KCTD1: variants seen among roughly 807,000 people sequenced by gnomAD.
KCTD1 encodes potassium channel tetramerization domain containing 1.
A neutral mutation model predicts 66.0 loss-of-function variants in KCTD1; 24 were observed. That is an observed-to-expected ratio of 0.36 (90% CI 0.26 to 0.51). The LOEUF (loss-of-function observed/expected upper bound fraction) is 0.51, where lower values mean the gene tolerates loss of function less well. KCTD1 is among the 20% of genes least tolerant of loss of function. The pLI is 0.95. For missense variants in KCTD1, 943 were observed against 1,205.2 expected (o/e 0.78, Z 3.22); for synonymous variants, 511 against 517.2 (o/e 0.99, Z 0.16).
chr18:26,496,957 T>C (rs1269250978), intron 2 of KCTD1, among the ~76,000 whole-genome samples: 1 of 152,174 alleles, frequency 6.6e-6, no homozygotes, highest in African/African-American at 2.4e-5. Flanking sequence ...TTTGGAAAAC[T>C]GCAGAGGTTC....
At chr18:26,601,561 G>A (rs913285134) in intron 1 of KCTD1, among the ~76,000 whole-genome samples, 2 of 152,124 alleles carry the variant, frequency 1.3e-5, no homozygotes, top group Non-Finnish European at 1.5e-5. Flanking sequence ...AAACACAGCC[G>A]TGATTTTGAT....
At chr18:26,574,297 G>A (rs963753523) in intron 1 of KCTD1, among the ~76,000 whole-genome samples, 2 of 152,220 alleles carry the variant, frequency 1.3e-5, no homozygotes, top group Non-Finnish European at 2.9e-5. Context: ...ATGAGCTGAT[G>A]TCAGATATTT....
chr18:26,498,752 C>T, intron 2 of KCTD1, among the ~76,000 whole-genome samples: 1 of 152,028 alleles, frequency 6.6e-6, no homozygotes, highest in East Asian at 1.9e-4. Context: ...GAATTTGATG[C>T]ATGTTTCAGG....
intron 3 of KCTD1, among the ~76,000 whole-genome samples, chr18:26,460,281 C>T (rs1047544971): frequency 2.6e-5 from 4 of 152,182 alleles, no homozygotes; most frequent in African/African-American, 7.2e-5. Flanking sequence ...AGACTTGTTT[C>T]TTTTAGTAGA....
chr18:26,542,344 T>C (rs1985011281), intron 1 of KCTD1, among the ~76,000 whole-genome samples: 1 of 152,200 alleles, frequency 6.6e-6, no homozygotes, highest in Non-Finnish European at 1.5e-5. Context: ...GCAACTTGAC[T>C]ATTGGTACAA....
At chr18:26,535,268 CTCTTTT>C (rs1984644778) in intron 1 of KCTD1, among the ~76,000 whole-genome samples, 1 of 152,070 alleles carries the variant, frequency 6.6e-6, no homozygotes, top group African/African-American at 2.4e-5. Context: ...CATTCCTTTT[CTCTTTT>C]AATTAAGTGC....
chr18:26,652,247 G>C (rs1430153072), intron 1 of KCTD1, among the ~76,000 whole-genome samples: 1 of 152,042 alleles, frequency 6.6e-6, no homozygotes, highest in Admixed American at 6.5e-5. Flanking sequence ...AGATGACATC[G>C]TTCCCATTTT....
In KCTD1 at chr18:26,501,058, G is replaced by A; in HGVS notation, c.1988+14C>T. 2 of 1,610,010 alleles carry A rather than the reference G, an allele frequency of 1.2e-6. No homozygotes were observed. The highest frequency in any genetic ancestry group is 1.7e-6 in the Non-Finnish European group (2 of 1,177,104). On this transcript the variant is annotated intron_variant, in intron 2 of 4. Coordinates refer to ENST00000580059, the MANE Select transcript of KCTD1 (RefSeq NM_001142730.3). ...ATGCACGTCGGAGTCTGATTTTTCA[G>A]TTTTTCAGATTACCTGGATTCAGGG...
At chr18:26,656,019 G>C (rs1406330138) in intron 1 of KCTD1, among the ~76,000 whole-genome samples, 1 of 151,950 alleles carries the variant, frequency 6.6e-6, no homozygotes, top group Non-Finnish European at 1.5e-5. Context: ...ATTCAATAAA[G>C]AAGGGTGGCG....
At chr18:26,619,279 G>A (rs1264365529) in intron 1 of KCTD1, among the ~76,000 whole-genome samples, 1 of 152,100 alleles carries the variant, frequency 6.6e-6, no homozygotes, top group Non-Finnish European at 1.5e-5. Context: ...TGATCTCAAA[G>A]TATTGCTTAT....
chr18:26,605,591 A>C (rs994299697), intron 1 of KCTD1, among the ~76,000 whole-genome samples: 1 of 152,090 alleles, frequency 6.6e-6, no homozygotes, highest in Non-Finnish European at 1.5e-5. Context: ...AGTTTCATTC[A>C]TGACCTGGCC....
At chr18:26,596,716 T>C (rs916816739) in intron 1 of KCTD1, among the ~76,000 whole-genome samples, 1 of 152,256 alleles carries the variant, frequency 6.6e-6, no homozygotes. Context: ...ACAAGGTTTT[T>C]GTGAAGACTA....
intron 1 of KCTD1, chr18:26,543,607 C>G (rs964300330): frequency 4.6e-5 from 7 of 152,268 alleles, no homozygotes; most frequent in African/African-American, 1.7e-4. Flanking sequence ...GCTGCAGTTT[C>G]CACTCTGCTA....
intron 2 of KCTD1, among the ~76,000 whole-genome samples, chr18:26,488,339 G>A (rs1567965049): frequency 6.6e-6 from 1 of 152,018 alleles, no homozygotes. Flanking sequence ...ACCTTCTTTA[G>A]GGCCCCTAAG....
In KCTD1 at chr18:26,548,240, C is replaced by T; in HGVS notation, c.297G>A (p.Leu99=). 1 of 1,514,070 alleles carries T rather than the reference C, an allele frequency of 6.6e-7. No individual in the cohort carries two copies. The highest frequency in any genetic ancestry group is 1.2e-5 in the South Asian group (1 of 81,218). The allele number at this position is 1,514,070 out of a possible 1,614,324, so 93.8% of individuals were successfully genotyped here. A position where few individuals can be genotyped will look rare whatever the true frequency, so the allele number is the denominator to read the frequency against. The part of the protein sequence containing the change: ...EEEEEEEEMG[L]DWDEPLEPED... ...CGGGCTCCAGGGGCTCGTCCCAGTCCAGCCCCATCTCCTCCTCTTCCTCCT... is the reference window on the plus strand; with the variant it reads ...CGGGCTCCAGGGGCTCGTCCCAGTCTAGCCCCATCTCCTCCTCTTCCTCCT... The change falls in exon 1 of 5, where the codon CTG becomes CTA. Residue 99 remains leucine, a synonymous_variant. Coordinates refer to ENST00000580059, the MANE Select transcript of KCTD1 (RefSeq NM_001142730.3).
chr18:26,550,595 C>CAA (rs139534740), upstream of KCTD1, among the ~76,000 whole-genome samples: 2 of 151,772 alleles, frequency 1.3e-5, no homozygotes, highest in Non-Finnish European at 2.9e-5. The surrounding 1 kb of genome is among the most constrained non-coding windows in gnomAD (Gnocchi z 5.4). Context: ...CACACACACA[C>CAA]ACACACACAC....
At chr18:26,531,800 G>A (rs1557320) in intron 1 of KCTD1, among the ~76,000 whole-genome samples, 87,012 of 152,044 alleles carry the variant, frequency 0.57, 25,052 homozygotes, top group East Asian at 0.68. Flanking sequence ...ATCAGGATAC[G>A]GTTTAGCTGT....
intron 1 of KCTD1, among the ~76,000 whole-genome samples, chr18:26,613,330 T>C (rs531792302): frequency 9.8e-5 from 15 of 152,318 alleles, no homozygotes; most frequent in Middle Eastern, 3.4e-3. Flanking sequence ...TTAACAATCA[T>C]GTACCTGGTA....
intron 1 of KCTD1, among the ~76,000 whole-genome samples, chr18:26,535,592 A>G (rs1370438400): frequency 6.6e-6 from 1 of 152,128 alleles, no homozygotes; most frequent in Non-Finnish European, 1.5e-5. Flanking sequence ...CCTTTCTTTC[A>G]CTGAGGCTCC....
Sources: gnomAD v4.1 joint callset for allele counts (sites outside exome capture counted in the v4.1 genomes callset) on GRCh38, gnomAD v4.1.1 for gene constraint, Gnocchi (gnomAD v3.1) non-coding constraint, MANE v1.5 for transcripts, NCBI Gene and HGNC (gene_info 2026-07-23, HGNC 2026-07-21) for gene names.